GPC5: variants seen among roughly 807,000 people sequenced by gnomAD.
The protein encoded by GPC5 is glypican-5.
GPC5 carries 47 observed loss-of-function variants against 53.9 expected under a neutral mutation model. The observed-to-expected ratio is 0.87, with a 90% CI of 0.69 to 1.11. The LOEUF (loss-of-function observed/expected upper bound fraction) is 1.11. Ranked by LOEUF, GPC5 falls within the 50% of genes most tolerant of loss-of-function variation. The pLI, the probability that GPC5 is intolerant of heterozygous loss-of-function variation, is 0.00. For missense variants in GPC5, 748 were observed against 713.1 expected (o/e 1.05, Z -0.56); for synonymous variants, 286 against 263.3 (o/e 1.09, Z -0.84).
chr13:91,680,312 G>T lies in GPC5; in HGVS notation c.326-12875G>T, dbSNP rs138006943. Among the ~76,000 whole-genome samples the T allele has an allele frequency of 2.6e-3, 395 of 152,260 alleles. 4 individuals are homozygous for T. The highest frequency in any genetic ancestry group is 9.1e-3 in the African/African-American group (380 of 41,554). On this transcript the variant is annotated intron_variant, in intron 2 of 7. Transcript: ENST00000377067. ...GAAAATACAAAAATTAGCCAGGCAT[G>T]GTGGCATATGCCTGTAATCCCAGCT...
At chr13:92,724,101 TG>T (rs1888573888) in intron 7 of GPC5, among the ~76,000 whole-genome samples, 2 of 151,582 alleles carry the variant, frequency 1.3e-5, no homozygotes, top group African/African-American at 4.8e-5. Context: ...TTTCATCTTA[TG>T]GAAAAACATA....
chr13:92,289,018 C>T (rs2042975748), intron 7 of GPC5, among the ~76,000 whole-genome samples: 1 of 151,784 alleles, frequency 6.6e-6, no homozygotes, highest in East Asian at 1.9e-4. Context: ...TCTGTGAATA[C>T]TGAAAGTGAT....
At chr13:91,763,356 C>G (rs1033479556) in intron 5 of GPC5, among the ~76,000 whole-genome samples, 2 of 152,030 alleles carry the variant, frequency 1.3e-5, no homozygotes, top group African/African-American at 4.8e-5. Flanking sequence ...TCTAAAGAAC[C>G]CCATGAATCT....
At chr13:92,666,663 A>T (rs1798643142) in intron 7 of GPC5, among the ~76,000 whole-genome samples, 1 of 152,214 alleles carries the variant, frequency 6.6e-6, no homozygotes, top group South Asian at 2.1e-4. Flanking sequence ...CCTATGCTGC[A>T]GAGCACTTTT....
intron 7 of GPC5, among the ~76,000 whole-genome samples, chr13:92,537,611 C>T (rs776259473): frequency 2.0e-5 from 3 of 152,054 alleles, no homozygotes; most frequent in African/African-American, 7.2e-5. Context: ...CAACCAGTCT[C>T]CTAGGTGTAC....
intron 7 of GPC5, among the ~76,000 whole-genome samples, chr13:92,639,177 A>T (rs1455617830): frequency 2.6e-5 from 4 of 152,204 alleles, no homozygotes; most frequent in African/African-American, 9.6e-5. Flanking sequence ...ATCTAGTTTT[A>T]TCTACAAAAG....
chr13:92,124,944 C>G (rs2138951827), intron 6 of GPC5, among the ~76,000 whole-genome samples: 1 of 152,278 alleles, frequency 6.6e-6, no homozygotes, highest in Middle Eastern at 3.4e-3. Context: ...GACCTGGTGC[C>G]TTGCTGCTAA....
chr13:92,370,710 T>C (rs936679731), intron 7 of GPC5, among the ~76,000 whole-genome samples: 8 of 152,340 alleles, frequency 5.3e-5, no homozygotes, highest in East Asian at 1.9e-4. Context: ...CATAGTACAT[T>C]GAATGTATCA....
At chr13:92,247,650 T>C (rs954024677) in intron 7 of GPC5, among the ~76,000 whole-genome samples, 2 of 152,018 alleles carry the variant, frequency 1.3e-5, no homozygotes, top group Non-Finnish European at 2.9e-5. Flanking sequence ...TAAGATGGAG[T>C]CAAATAATCT....
chr13:92,545,249 T>C (rs1445539676), intron 7 of GPC5, among the ~76,000 whole-genome samples: 1 of 152,198 alleles, frequency 6.6e-6, no homozygotes, highest in Non-Finnish European at 1.5e-5. Context: ...GGACATGAAC[T>C]CATCATTTTT....
intron 7 of GPC5, among the ~76,000 whole-genome samples, chr13:92,181,621 A>G (rs2042147858): frequency 6.6e-6 from 1 of 152,192 alleles, no homozygotes; most frequent in African/African-American, 2.4e-5. Flanking sequence ...AAGTTAGAAG[A>G]TTTTTTAAAG....
At chr13:91,971,605 T>C (rs2040242930) in intron 6 of GPC5, among the ~76,000 whole-genome samples, 2 of 152,100 alleles carry the variant, frequency 1.3e-5, no homozygotes, top group African/African-American at 4.8e-5. Context: ...GGGCATTTAG[T>C]GCTATAAATT....
chr13:92,237,292 T>C (rs2042577670), intron 7 of GPC5, among the ~76,000 whole-genome samples: 2 of 152,180 alleles, frequency 1.3e-5, no homozygotes, highest in African/African-American at 2.4e-5. Flanking sequence ...TAATCTCAGC[T>C]CACTGCAACC....
intron 7 of GPC5, among the ~76,000 whole-genome samples, chr13:92,496,473 C>A (rs1332576341): frequency 2.0e-5 from 3 of 152,028 alleles, no homozygotes; most frequent in African/African-American, 7.2e-5. Flanking sequence ...AAATCAGGAC[C>A]TAAAGAATAA....
intron 6 of GPC5, among the ~76,000 whole-genome samples, chr13:91,998,420 AATATC>A (rs1254495742): frequency 6.6e-6 from 1 of 152,210 alleles, no homozygotes; most frequent in African/African-American, 2.4e-5. Flanking sequence ...AATCATGATT[AATATC>A]ATATATAATT....
At chr13:92,228,321 A>C (rs2042504046) in intron 7 of GPC5, among the ~76,000 whole-genome samples, 1 of 152,170 alleles carries the variant, frequency 6.6e-6, no homozygotes, top group Non-Finnish European at 1.5e-5. Flanking sequence ...AAATAAAAAG[A>C]AATAAAAGTA....
intron 7 of GPC5, among the ~76,000 whole-genome samples, chr13:92,776,306 GCTCT>G (rs145698162): frequency 1.8e-4 from 27 of 151,714 alleles, no homozygotes; most frequent in Admixed American, 6.6e-4. Flanking sequence ...CCCACAGCGA[GCTCT>G]CTCTCTCTTT....
chr13:92,755,602 AAGAG>A (rs1300884064), intron 7 of GPC5, among the ~76,000 whole-genome samples: 1 of 147,934 alleles, frequency 6.8e-6, no homozygotes, highest in East Asian at 2.2e-4. Context: ...TAAAGAAAAA[AAGAG>A]AGAAGAATCA....
intron 5 of GPC5, among the ~76,000 whole-genome samples, chr13:91,837,970 C>T (rs1874843181): frequency 6.6e-6 from 1 of 152,006 alleles, no homozygotes; most frequent in Non-Finnish European, 1.5e-5. Flanking sequence ...ATCACTGAAG[C>T]AGAGCAGCAG....
Sources: gnomAD v4.1 joint callset for allele counts (sites outside exome capture counted in the v4.1 genomes callset) on GRCh38, gnomAD v4.1.1 for gene constraint, MANE v1.5 for transcripts, NCBI Gene and HGNC (gene_info 2026-07-23, HGNC 2026-07-21) for gene names.